DNAH14: variants seen among roughly 807,000 people sequenced by gnomAD.
The protein encoded by DNAH14 is axonemal beta dynein heavy chain 14.
Under a neutral mutation model 520.9 loss-of-function variants are expected in DNAH14, and 478 were observed. That is an observed-to-expected ratio of 0.92 (90% CI 0.85 to 0.99). DNAH14 has a LOEUF of 0.99. Ranked by LOEUF, DNAH14 falls within the 50% of genes least tolerant of loss-of-function variation. The pLI is 0.00. For synonymous variants in DNAH14, 1,581 were observed against 1,757.2 expected (o/e 0.90, Z 2.51); for missense variants, 4,831 against 5,234.5 (o/e 0.92, Z 2.38).
chr1:225,343,750 G>A (rs1043995306), intron 69 of DNAH14, among the ~76,000 whole-genome samples: 1 of 151,498 alleles, frequency 6.6e-6, no homozygotes, highest in Non-Finnish European at 1.5e-5. Flanking sequence ...TGTGTTTCTA[G>A]TAATAAGGCT....
At chr1:225,129,217 A>G (rs1032156317) in intron 27 of DNAH14, among the ~76,000 whole-genome samples, 9 of 150,518 alleles carry the variant, frequency 6.0e-5, no homozygotes, top group Non-Finnish European at 1.3e-4. Context: ...AGGAAGAATC[A>G]ATATCATGAA....
Position 225,388,461 on chromosome 1 carries a change from C to A in DNAH14, c.13160C>A (p.Ala4387Asp). The A allele has an allele frequency of 6.5e-7, 1 of 1,533,298 alleles. No individual in the cohort carries two copies. Among genetic ancestry groups the A allele is most frequent in the Non-Finnish European group, 8.8e-7 (1 of 1,132,096 alleles). The allele number at this position is 1,533,298 out of a possible 1,614,324, so 95.0% of individuals were successfully genotyped here. A position where few individuals can be genotyped will look rare whatever the true frequency, so the allele number is the denominator to read the frequency against. The change falls in exon 82 of 86, where the codon GCC becomes GAC. Residue 4387 changes from alanine (A) to aspartate (D), a missense_variant. Physicochemically the swap from Ala to Asp is moderately radical, Grantham distance 126 (BLOSUM62 -2). Transcript: ENST00000682510. ...IQRLNFFNTW[A>D]KVAYTAIQRR... Reference sequence around the variant, plus strand: ...CGACTGAATTTCTTCAATACTTGGGCCAAAGTGGCTTATACTGCAATACAG... The same window carrying A: ...CGACTGAATTTCTTCAATACTTGGGACAAAGTGGCTTATACTGCAATACAG...
chr1:225,145,269 A>T (rs1435030847), intron 29 of DNAH14, 57 bp from the exon 30 acceptor site: 1 of 1,363,066 alleles, frequency 7.3e-7, no homozygotes, highest in Admixed American at 2.2e-5. Context: ...AGCAGTTTTA[A>T]CATTAGTATT....
At chr1:224,982,869 A>G (rs1450581687) in intron 8 of DNAH14, among the ~76,000 whole-genome samples, 1 of 152,204 alleles carries the variant, frequency 6.6e-6, no homozygotes, top group East Asian at 1.9e-4. Context: ...TTTATGGCCT[A>G]TCATATGGTC....
At chr1:225,137,474 G>C (rs572508430) in intron 27 of DNAH14, among the ~76,000 whole-genome samples, 1 of 152,258 alleles carries the variant, frequency 6.6e-6, no homozygotes, top group Non-Finnish European at 1.5e-5. Flanking sequence ...TCCTGCCTCA[G>C]CCTCCTGAGT....
chr1:225,066,694 T>C (rs1007688630), intron 17 of DNAH14, among the ~76,000 whole-genome samples: 1 of 152,046 alleles, frequency 6.6e-6, no homozygotes, highest in Non-Finnish European at 1.5e-5. Flanking sequence ...ATATTGTTCT[T>C]ACGCCTTTGC....
chr1:225,079,303 A>T lies in DNAH14; in HGVS notation c.2521A>T (p.Ile841Leu), dbSNP rs2072816373. 1.3e-6 allele frequency: 2 copies of T among 1,549,796 alleles called. No individual in the cohort carries two copies. The highest frequency in any genetic ancestry group is 2.0e-5 in the Admixed American group (1 of 50,438). Residue 841 changes from isoleucine to leucine, a missense_variant, in exon 18 of 86, where the codon ATA (isoleucine) becomes TTA (leucine). Transcript: ENST00000682510. ...TTTTTTGAATGCAATTTCCTCAAAAATATCTAAATTAGAAAAAGAGTTCTT... is the reference window on the plus strand; with the variant it reads ...TTTTTTGAATGCAATTTCCTCAAAATTATCTAAATTAGAAAAAGAGTTCTT... ...FIFLNAISSKISKLEKEFLTM... is the reference protein window; with the variant it reads ...FIFLNAISSKLSKLEKEFLTM...
In DNAH14 at chr1:225,192,719, A is replaced by T; in HGVS notation, c.5694A>T (p.Val1898=). Residue 1898 remains valine, a synonymous_variant, in exon 38 of 86, where the codon GTA becomes GTT. Transcript: ENST00000682510. ...AGATTTCAGAAAGAAAAGGAAAAGT[A>T]GATATTTGTGTTTTAAATCCAAAGT... ...ASKISERKGK[V]DICVLNPKCV... 1 of 1,548,824 alleles carries T rather than the reference A, an allele frequency of 6.5e-7. No individual in the cohort carries two copies. Among genetic ancestry groups the T allele is most frequent in the Non-Finnish European group, 8.7e-7 (1 of 1,145,170 alleles).
At chr1:225,130,564 GCA>G (rs1553466317) in intron 27 of DNAH14, among the ~76,000 whole-genome samples, 1 of 147,450 alleles carries the variant, frequency 6.8e-6, no homozygotes, top group Admixed American at 6.8e-5. Context: ...GTAAAATATC[GCA>G]AGGATAAAAA....
At chr1:225,021,760 T>G (rs772078696) in intron 10 of DNAH14, among the ~76,000 whole-genome samples, 36 of 152,120 alleles carry the variant, frequency 2.4e-4, no homozygotes, top group Non-Finnish European at 4.3e-4. Context: ...CCAACATCAT[T>G]TTTCACAATT....
At chr1:225,040,239 A>G (rs1243191055) in intron 12 of DNAH14, among the ~76,000 whole-genome samples, 1 of 152,120 alleles carries the variant, frequency 6.6e-6, no homozygotes, top group African/African-American at 2.4e-5. Flanking sequence ...GCGCCCGGCC[A>G]TATCTTTTCT....
chr1:225,081,899 G>A (rs1179707066), intron 19 of DNAH14, among the ~76,000 whole-genome samples: 1 of 152,112 alleles, frequency 6.6e-6, no homozygotes, highest in African/African-American at 2.4e-5. Context: ...ACATTTTGGT[G>A]TTAAAGTATT....
chr1:225,118,076 T>C (rs541461192), intron 25 of DNAH14, 77 bp downstream of exon 25: 1 of 1,167,136 alleles, frequency 8.6e-7, no homozygotes, highest in African/African-American at 1.5e-5. Flanking sequence ...ATTTTTGATA[T>C]ATTATAAAAG....
chr1:225,148,119 G>A (rs1406265233), intron 31 of DNAH14, among the ~76,000 whole-genome samples: 4 of 152,096 alleles, frequency 2.6e-5, no homozygotes, highest in African/African-American at 9.7e-5. Context: ...CATTATGATA[G>A]AACAATTTGT....
At chr1:225,217,192 A>G (rs1268825548) in intron 41 of DNAH14, among the ~76,000 whole-genome samples, 1 of 151,896 alleles carries the variant, frequency 6.6e-6, no homozygotes, top group African/African-American at 2.4e-5. Flanking sequence ...TTGCCTGGGT[A>G]TCACCAGCGG....
In DNAH14 at chr1:225,140,846, G is replaced by A. The variant is rs1573449384; in HGVS notation, c.4333G>A (p.Ala1445Thr). ...AAGAGAAAAATTGGAAAAAGTCCAC[G>A]CTGGTCTGATGTGTCATCTAGAAGA... is the stretch of plus-strand genomic sequence containing the variant. The part of the protein sequence containing the change: ...YSREKLEKVH[A>T]GLMCHLEEVA... Residue 1445 changes from alanine to threonine, a missense_variant, in exon 28 of 86, where the codon GCT becomes ACT. Ala to Thr is a moderately conservative substitution (Grantham distance 58). Coordinates refer to ENST00000682510, the MANE Select transcript of DNAH14 (RefSeq NM_001367479.1). The A allele has an allele frequency of 9.0e-6, 14 of 1,551,088 alleles. No individual in the cohort carries two copies. The East Asian group carries it at 2.7e-4, about 30-fold the overall frequency.
At chr1:225,168,232 C>T (rs977587778) in intron 36 of DNAH14, among the ~76,000 whole-genome samples, 8 of 152,146 alleles carry the variant, frequency 5.3e-5, no homozygotes, top group African/African-American at 1.4e-4. Context: ...CAGCTCCCAG[C>T]GTGAGCGACG....
chr1:225,266,702 C>T lies in DNAH14; in HGVS notation c.7472C>T (p.Pro2491Leu). 6.6e-7 allele frequency: 1 copy of T among 1,517,914 alleles called. No individual in the cohort carries two copies. The highest frequency in any genetic ancestry group is 8.8e-7 in the Non-Finnish European group (1 of 1,137,646). The allele number at this position is 1,517,914 out of a possible 1,614,324, so 94.0% of individuals were successfully genotyped here. A position where few individuals can be genotyped will look rare whatever the true frequency, so the allele number is the denominator to read the frequency against. The change falls in exon 49 of 86, where the codon CCC (proline) becomes CTC (leucine). Residue 2491 changes from proline (P) to leucine (L), a missense_variant. By Grantham distance (98) the Pro-to-Leu change is moderately conservative. Transcript: ENST00000682510. ...TCAGATATGTATGGAGCACAGCCAC[C>T]CCTGGAATTGATAAGACAATTGTTA... is the stretch of plus-strand genomic sequence containing the variant. The part of the protein sequence containing the change: ...PVSDMYGAQP[P>L]LELIRQLLDL...
chr1:225,184,765 GAGAAAGAA>G (rs201215813), intron 36 of DNAH14, among the ~76,000 whole-genome samples: 1 of 151,302 alleles, frequency 6.6e-6, no homozygotes. Flanking sequence ...GAGAGAGAGA[GAGAAAGAA>G]AGAAAGAAAG....
Sources: allele counts gnomAD v4.1 joint callset (sites outside exome capture counted in the v4.1 genomes callset), GRCh38; gene constraint gnomAD v4.1.1; transcripts MANE v1.5; gene names NCBI Gene and HGNC (gene_info 2026-07-23, HGNC 2026-07-21).